The following PSG2 variants were observed in gnomAD, a reference collection of about 807,000 sequenced individuals.
PSG2 encodes pregnancy-specific beta-1-glycoprotein 2.
PSG2 carries 49 observed loss-of-function variants against 36.2 expected under a neutral mutation model. The ratio of observed to expected loss-of-function variants is 1.35; its 90% CI spans 1.08 to 1.72. The LOEUF (loss-of-function observed/expected upper bound fraction) is 1.72, where lower values mean the gene tolerates loss of function less well. Among genes scored for constraint, PSG2 ranks in the 40% most tolerant of loss-of-function variants. The pLI, the probability that PSG2 is intolerant of heterozygous loss-of-function variation, is 0.00. For synonymous variants in PSG2, 261 were observed against 155.6 expected (o/e 1.68, Z -5.04); for missense variants, 605 against 407.2 (o/e 1.49, Z -4.18).
At chr19:43,072,886 G>A (rs373677130) in intron 3 of PSG2, among the ~76,000 whole-genome samples, 2 of 151,808 alleles carry the variant, frequency 1.3e-5, no homozygotes, top group African/African-American at 4.9e-5. Context: ...GGACAGACAT[G>A]TCAGTGGGAG....
chr19:43,069,247 G>T (rs1023238248), intron 4 of PSG2, among the ~76,000 whole-genome samples: 1 of 151,650 alleles, frequency 6.6e-6, no homozygotes, highest in Non-Finnish European at 1.5e-5. Flanking sequence ...TTGTTTTCAT[G>T]AATTGGAAGA....
chr19:43,068,356 T>C (rs1967770242), intron 4 of PSG2, among the ~76,000 whole-genome samples: 1 of 151,236 alleles, frequency 6.6e-6, no homozygotes, highest in Admixed American at 6.6e-5. Context: ...GGAGAATTGC[T>C]TGAGCCCAGG....
At position 43,079,458 on chromosome 19, in the gene PSG2, G is replaced by A. The variant is rs956651927; in HGVS notation, c.430+1423C>T. On this transcript the variant is annotated intron_variant, in intron 2 of 5. Coordinates refer to ENST00000406487, the MANE Select transcript of PSG2 (RefSeq NM_031246.4). ...CTGCATCCAACATCCAGTCTCTAAA[G>A]AGGTTTTGGATCATTCATTTCTTCA... Among the ~76,000 whole-genome samples the A allele has an allele frequency of 5.3e-5, 8 of 151,632 alleles. 1 individual carries two copies. Among genetic ancestry groups the A allele is most frequent in the Non-Finnish European group, 1.2e-4 (8 of 67,976 alleles).
intron 2 of PSG2, among the ~76,000 whole-genome samples, chr19:43,080,482 G>C (rs574711777): frequency 1.3e-5 from 2 of 151,724 alleles, no homozygotes; most frequent in African/African-American, 2.4e-5. Flanking sequence ...TTTAGGGACA[G>C]GGTTTGGAGG....
chr19:43,066,876 T>C (rs1347548194), intron 4 of PSG2, among the ~76,000 whole-genome samples: 2 of 151,514 alleles, frequency 1.3e-5, no homozygotes, highest in African/African-American at 4.9e-5. Flanking sequence ...TGCTATTTTC[T>C]ATGTCATTAG....
Position 43,081,052 on chromosome 19 carries a change from G to C in PSG2, c.259C>G (p.Gln87Glu), listed in dbSNP as rs377465339. 1.7e-4 allele frequency: 277 copies of C among 1,612,730 alleles called. 5 individuals carry two copies. Among genetic ancestry groups the C allele is most frequent in the African/African-American group, 8.9e-4 (66 of 74,280 alleles). ...TATGCAGGCCCATATATAATTATTT[G>C]ACCGTCTACTACATATGATGTAATG... The part of the protein sequence containing the change: ...HYITSYVVDG[Q>E]IIIYGPAYSG... Residue 87 changes from glutamine (Q) to glutamate (E), a missense_variant, in exon 2 of 6, where the codon CAA becomes GAA. Coordinates refer to ENST00000406487, the MANE Select transcript of PSG2 (RefSeq NM_031246.4).
rs1016831460 is a variant in PSG2, at chr19:43,082,268, G to A, written c.64+238C>T. ...TGATTCTCCTGCCACAGCCTCCTGA[G>A]TAGCTGGAATTACAGGAACACACGA... On this transcript the variant is annotated intron_variant, in intron 1 of 5. Transcript: ENST00000406487. 10 of 539,736 alleles carry A rather than the reference G, an allele frequency of 1.9e-5. 2 individuals are homozygous for A. Among genetic ancestry groups the A allele is most frequent in the African/African-American group, 1.9e-5 (1 of 51,354 alleles). 33.4% of individuals were successfully genotyped at this position (539,736 alleles called of 1,614,324 possible).
chr19:43,074,080 G>T (rs1967856731), intron 3 of PSG2, among the ~76,000 whole-genome samples: 1 of 151,616 alleles, frequency 6.6e-6, no homozygotes, highest in South Asian at 2.1e-4. Context: ...TTAAGGCTTT[G>T]GGATGTGAGA....
rs1135794 is a variant in PSG2, at chr19:43,071,915, T to C, written c.749A>G (p.Asn250Ser). ...DLPRIHPSYT[N>S]YRSGDNLYLS... ...GTAGAGGTTATCTCCTGAACGGTAA[T>C]TGGTGTATGAAGGGTGAATTCTGGG... The change falls in exon 4 of 6, where the codon AAT becomes AGT. Residue 250 changes from asparagine to serine, a missense_variant. Physicochemically the swap from Asn to Ser is conservative, Grantham distance 46 (BLOSUM62 1). Transcript: ENST00000406487. 1 of 1,612,708 alleles carries C rather than the reference T, an allele frequency of 6.2e-7. No homozygotes were observed. The highest frequency in any genetic ancestry group is 8.5e-7 in the Non-Finnish European group (1 of 1,179,352).
At chr19:43,069,241 T>G (rs868259512) in intron 4 of PSG2, among the ~76,000 whole-genome samples, 1 of 151,596 alleles carries the variant, frequency 6.6e-6, no homozygotes, top group Non-Finnish European at 1.5e-5. Flanking sequence ...GACATTTTGT[T>G]TTCATGAATT....
At position 43,082,689 on chromosome 19, in the gene PSG2, A is replaced by T; in HGVS notation, c.-120T>A. The T allele has an allele frequency of 6.8e-7, 1 of 1,468,982 alleles. No homozygotes were observed. The highest frequency in any genetic ancestry group is 9.2e-7 in the Non-Finnish European group (1 of 1,085,752). The allele number at this position is 1,468,982 out of a possible 1,614,324, so 91.0% of individuals were successfully genotyped here. ...TCTGCACTGAGCCTCTTCCTGGGGC[A>T]GCAGCAATTCCCAGGCTCATGGGTG... On this transcript the variant is annotated 5_prime_UTR_variant, in exon 1 of 6. Coordinates refer to ENST00000406487, the MANE Select transcript of PSG2 (RefSeq NM_031246.4).
intron 1 of PSG2, chr19:43,081,658 G>A (rs1339697881): frequency 5.1e-6 from 1 of 195,020 alleles, no homozygotes; most frequent in Non-Finnish European, 1.1e-5. Context: ...TCCCTAAAGG[G>A]TTCTTGTTAA....
chr19:43,078,198 T>A (rs568361646), intron 2 of PSG2, among the ~76,000 whole-genome samples: 1 of 151,868 alleles, frequency 6.6e-6, no homozygotes, highest in South Asian at 2.1e-4. Context: ...TTGGGAGGAA[T>A]TTAGTTTATG....
chr19:43,078,717 C>T (rs1428774578), intron 2 of PSG2, among the ~76,000 whole-genome samples: 3 of 151,640 alleles, frequency 2.0e-5, no homozygotes, highest in African/African-American at 7.3e-5. Flanking sequence ...AATAATAAAC[C>T]TCTGTCCTCC....
At chr19:43,070,314 A>G (rs1402488238) in intron 4 of PSG2, among the ~76,000 whole-genome samples, 2 of 151,688 alleles carry the variant, frequency 1.3e-5, no homozygotes, top group Non-Finnish European at 2.9e-5. Flanking sequence ...ATTAAACAAT[A>G]AATTACCGTT....
Position 43,079,797 on chromosome 19 carries a change from A to G in PSG2, c.430+1084T>C, listed in dbSNP as rs186330664. Among the ~76,000 whole-genome samples, 99 of 151,646 alleles carry G rather than the reference A, an allele frequency of 6.5e-4. 4 individuals carry two copies. Among genetic ancestry groups the G allele is most frequent in the African/African-American group, 2.4e-3 (97 of 41,104 alleles). Reference sequence around the variant, plus strand: ...AGGTTTGGATGCCTAAGAAGAGAGGATTTGAGCCAATAAATGACATGGGGT... The same window carrying G: ...AGGTTTGGATGCCTAAGAAGAGAGGGTTTGAGCCAATAAATGACATGGGGT... On this transcript the variant is annotated intron_variant, in intron 2 of 5. Coordinates refer to ENST00000406487, the MANE Select transcript of PSG2 (RefSeq NM_031246.4).
In PSG2 at chr19:43,066,576, G is replaced by C; in HGVS notation, c.989C>G (p.Pro330Arg). 1 of 1,602,216 alleles carries C rather than the reference G, an allele frequency of 6.2e-7. No homozygotes were observed. The highest frequency in any genetic ancestry group is 1.3e-5 in the African/African-American group (1 of 74,206). ...CAGCTGCTATGTTGGATTAAGGAGA[G>C]GAAGAAGTCCTATTCTTGTAGAAGC... ...VSASTRIGLL[P>R]LLNPT The change falls in exon 5 of 6, where the codon CCT becomes CGT. Residue 330 changes from proline to arginine, a missense_variant. By Grantham distance (103) the Pro-to-Arg change is moderately radical. Coordinates refer to ENST00000406487, the MANE Select transcript of PSG2 (RefSeq NM_031246.4).
At chr19:43,082,256 A>T in intron 1 of PSG2, 1 of 471,380 alleles carries the variant, frequency 2.1e-6, no homozygotes, top group South Asian at 2.4e-5. Context: ...TTCTCCTGCC[A>T]CAGCCTCCTG....
chr19:43,069,211 A>C (rs1599705113), intron 4 of PSG2, among the ~76,000 whole-genome samples: 1 of 123,184 alleles, frequency 8.1e-6, no homozygotes, highest in South Asian at 2.8e-4. Context: ...GAAATGAAAG[A>C]TGACATCAAT....
Sources: allele counts gnomAD v4.1 joint callset (sites outside exome capture counted in the v4.1 genomes callset), GRCh38; gene constraint gnomAD v4.1.1; transcripts MANE v1.5; gene names NCBI Gene and HGNC (gene_info 2026-07-23, HGNC 2026-07-21).